VRK2: variants seen among roughly 807,000 people sequenced by gnomAD.
The protein encoded by VRK2 is serine/threonine-protein kinase VRK2.
Under a neutral mutation model 57.6 loss-of-function variants are expected in VRK2, and 60 were observed. The observed-to-expected ratio is 1.04, with a 90% CI of 0.85 to 1.29. The LOEUF is 1.29. Among genes scored for constraint, VRK2 ranks in the 50% most tolerant of loss-of-function variants. The probability of loss-of-function intolerance (pLI) is 0.00; values close to 1 mark genes in which losing one functional copy is unlikely to be tolerated. For synonymous variants in VRK2, 231 were observed against 199.2 expected (o/e 1.16, Z -1.35); for missense variants, 705 against 588.1 (o/e 1.20, Z -2.06).
chr2:58,076,913 C>T (rs920697996), intron 2 of VRK2, among the ~76,000 whole-genome samples: 1 of 151,866 alleles, frequency 6.6e-6, no homozygotes, highest in African/African-American at 2.4e-5. Context: ...ATTCTCTACT[C>T]GACTGCCCTA....
chr2:57,934,747 C>G (rs1286918357), intron 1 of VRK2, among the ~76,000 whole-genome samples: 1 of 152,080 alleles, frequency 6.6e-6, no homozygotes, highest in Non-Finnish European at 1.5e-5. Flanking sequence ...CATAGCCTTT[C>G]TTTATTCCTT....
At chr2:58,075,017 G>A (rs75435120) in intron 2 of VRK2, among the ~76,000 whole-genome samples, 2,549 of 152,132 alleles carry the variant, frequency 0.017, 25 homozygotes, top group Middle Eastern at 0.048. Flanking sequence ...AGCATATTAG[G>A]TAGTTTTTCA....
At chr2:58,145,638 ATTATAC>A (rs1383827501) in intron 11 of VRK2, among the ~76,000 whole-genome samples, 1 of 151,926 alleles carries the variant, frequency 6.6e-6, no homozygotes, top group Admixed American at 6.6e-5. Context: ...TTTATTTTTT[ATTATAC>A]TTTAAGTTCT....
chr2:57,973,907 C>A (rs1266797528), intron 1 of VRK2, among the ~76,000 whole-genome samples: 1 of 151,576 alleles, frequency 6.6e-6, no homozygotes, highest in African/African-American at 2.4e-5. Flanking sequence ...CATTTTAGTT[C>A]TATGAGGGCT....
intron 7 of VRK2, among the ~76,000 whole-genome samples, chr2:58,116,388 C>T (rs1057436263): frequency 1.2e-4 from 18 of 150,820 alleles, no homozygotes; most frequent in Non-Finnish European, 2.2e-4. Flanking sequence ...TAAAATATCT[C>T]GGCCTAATAA....
In VRK2 at chr2:58,068,428, T is replaced by G. The variant is rs577125711; in HGVS notation, c.137-15661T>G. ...CCATTGTTCCCCTATACATAATGCATTGTTCACTCTGGCTGCTTTCAAGAT... is the reference window on the plus strand; with the variant it reads ...CCATTGTTCCCCTATACATAATGCAGTGTTCACTCTGGCTGCTTTCAAGAT... On this transcript the variant is annotated intron_variant, in intron 2 of 12. Transcript: ENST00000340157. 5.3e-5 allele frequency among the ~76,000 whole-genome samples: 8 copies of G among 152,284 alleles called. No individual in the cohort carries two copies. In the East Asian group the frequency reaches 1.5e-3, roughly 29 times the overall value.
intron 1 of VRK2, among the ~76,000 whole-genome samples, chr2:57,945,190 C>T (rs897908487): frequency 8.5e-5 from 13 of 152,222 alleles, no homozygotes; most frequent in African/African-American, 3.1e-4. Context: ...TAATTTTTAA[C>T]TTGAAAAAAT....
intron 8 of VRK2, among the ~76,000 whole-genome samples, chr2:58,123,538 T>TATACTGAAGTGA (rs1677850992): frequency 6.6e-6 from 1 of 152,150 alleles, no homozygotes; most frequent in South Asian, 2.1e-4. Flanking sequence ...AGTGAATGTT[T>TATACTGAAGTGA]ATACTGAAGT....
intron 1 of VRK2, among the ~76,000 whole-genome samples, chr2:57,913,913 T>C (rs1449841081): frequency 6.6e-6 from 1 of 152,102 alleles, no homozygotes; most frequent in East Asian, 1.9e-4. Flanking sequence ...GAATAAGTCA[T>C]GTTAAAATGT....
At chr2:58,119,612 A>G (rs1677116170) in intron 7 of VRK2, among the ~76,000 whole-genome samples, 1 of 151,514 alleles carries the variant, frequency 6.6e-6, no homozygotes, top group Admixed American at 6.6e-5. Context: ...ACTTCTTCTT[A>G]TGTATAGTTT....
chr2:58,130,067 A>C (rs919595601), intron 8 of VRK2, among the ~76,000 whole-genome samples: 1 of 152,218 alleles, frequency 6.6e-6, no homozygotes, highest in Non-Finnish European at 1.5e-5. Context: ...TCAGAAATCT[A>C]AATGACTTGT....
intron 1 of VRK2, among the ~76,000 whole-genome samples, chr2:57,977,467 T>C (rs1672286612): frequency 6.6e-6 from 1 of 152,118 alleles, no homozygotes; most frequent in Admixed American, 6.6e-5. Flanking sequence ...GGTATTTTTT[T>C]TCTTTTTGTG....
chr2:58,090,508 G>C (rs1672230575), intron 7 of VRK2, among the ~76,000 whole-genome samples: 1 of 151,576 alleles, frequency 6.6e-6, no homozygotes, highest in Non-Finnish European at 1.5e-5. Flanking sequence ...TTAGCAGTAT[G>C]TGGCTAAGTA....
At chr2:58,148,349 G>A (rs1682477533) in intron 12 of VRK2, among the ~76,000 whole-genome samples, 1 of 151,758 alleles carries the variant, frequency 6.6e-6, no homozygotes, top group South Asian at 2.1e-4. Context: ...TTTGTCGAGT[G>A]TTCTAATTTT....
chr2:58,092,727 A>G (rs1297793627), intron 7 of VRK2, among the ~76,000 whole-genome samples: 1 of 152,044 alleles, frequency 6.6e-6, no homozygotes, highest in African/African-American at 2.4e-5. Context: ...GGTTTGTTAT[A>G]TATGTATACA....
At chr2:58,136,660 C>T (rs1188964816) in intron 10 of VRK2, among the ~76,000 whole-genome samples, 2 of 151,596 alleles carry the variant, frequency 1.3e-5, no homozygotes, top group Non-Finnish European at 2.9e-5. Flanking sequence ...GCTGGGATTA[C>T]AGGTGTGGGC....
chr2:58,113,448 G>T (rs953808172), intron 7 of VRK2, among the ~76,000 whole-genome samples: 1 of 152,184 alleles, frequency 6.6e-6, no homozygotes, highest in African/African-American at 2.4e-5. Context: ...GCGGGTCCGT[G>T]TGAAGAGACC....
intron 12 of VRK2, among the ~76,000 whole-genome samples, chr2:58,156,613 G>GT (rs374653003): frequency 0.023 from 3,390 of 145,500 alleles, 149 homozygotes; most frequent in African/African-American, 0.089. Context: ...GTTTTGTTTT[G>GT]TTTTTGCCTG....
chr2:57,921,953 C>T (rs1670364128), intron 1 of VRK2, among the ~76,000 whole-genome samples: 1 of 152,064 alleles, frequency 6.6e-6, no homozygotes, highest in Non-Finnish European at 1.5e-5. Context: ...CAATCCAAAT[C>T]CTTTTGAGTC....
Sources: gnomAD v4.1 joint callset for allele counts (sites outside exome capture counted in the v4.1 genomes callset) on GRCh38, gnomAD v4.1.1 for gene constraint, MANE v1.5 for transcripts, NCBI Gene and HGNC (gene_info 2026-07-23, HGNC 2026-07-21) for gene names.